CNTNAP2: variants seen among roughly 807,000 people sequenced by gnomAD.
The protein encoded by CNTNAP2 is contactin associated protein 2.
Under a neutral mutation model 155.2 loss-of-function variants are expected in CNTNAP2, and 98 were observed. That is an observed-to-expected ratio of 0.63 (90% confidence interval 0.54 to 0.75). The LOEUF (loss-of-function observed/expected upper bound fraction) is 0.75. Among genes scored for constraint, CNTNAP2 ranks in the 30% least tolerant of loss-of-function variants. CNTNAP2 has a pLI of 0.00. For synonymous variants in CNTNAP2, 651 were observed against 631.2 expected (o/e 1.03, Z -0.47); for missense variants, 1,727 against 1,688.1 (o/e 1.02, Z -0.40).
intron 15 of CNTNAP2, among the ~76,000 whole-genome samples, chr7:148,043,340 A>C (rs779596184): frequency 2.6e-5 from 4 of 152,220 alleles, no homozygotes; most frequent in African/African-American, 4.8e-5. Flanking sequence ...ATTGATTTTT[A>C]TAAGACTACC....
At chr7:148,328,893 T>C (rs1250005984) in intron 21 of CNTNAP2, among the ~76,000 whole-genome samples, 1 of 145,750 alleles carries the variant, frequency 6.9e-6, no homozygotes, top group Non-Finnish European at 1.5e-5. Context: ...GGAGAATTGC[T>C]TGAATCTGGG....
intron 1 of CNTNAP2, among the ~76,000 whole-genome samples, chr7:146,160,142 A>T (rs1336523838): frequency 2.6e-5 from 4 of 152,200 alleles, no homozygotes; most frequent in African/African-American, 4.8e-5. Flanking sequence ...ATTTGAAACC[A>T]ATGAGAACAA....
chr7:147,936,995 C>T (rs564746063), intron 14 of CNTNAP2, among the ~76,000 whole-genome samples: 3 of 152,022 alleles, frequency 2.0e-5, no homozygotes, highest in Non-Finnish European at 4.4e-5. Flanking sequence ...CAAGGTCAGC[C>T]TCAGTCTCTA....
chr7:147,650,860 T>C (rs1049963989), intron 13 of CNTNAP2, among the ~76,000 whole-genome samples: 3 of 152,166 alleles, frequency 2.0e-5, no homozygotes, highest in African/African-American at 7.2e-5. Context: ...TAAAATCATT[T>C]TGTATAAGAC....
intron 13 of CNTNAP2, among the ~76,000 whole-genome samples, chr7:147,848,929 A>G (rs1163099587): frequency 6.6e-6 from 1 of 152,134 alleles, no homozygotes; most frequent in East Asian, 1.9e-4. Context: ...TAGTGAGATC[A>G]GAGTCGGAAA....
chr7:146,711,331 A>G (rs965666719), intron 1 of CNTNAP2, among the ~76,000 whole-genome samples: 2 of 147,196 alleles, frequency 1.4e-5, no homozygotes, highest in East Asian at 3.9e-4. Context: ...TAATATATGT[A>G]CATATATGTA....
intron 1 of CNTNAP2, among the ~76,000 whole-genome samples, chr7:146,746,984 T>C (rs967269126): frequency 2.0e-5 from 3 of 152,148 alleles, no homozygotes; most frequent in Non-Finnish European, 4.4e-5. Context: ...ATTTATTGAA[T>C]CAAAGAGTAT....
chr7:146,693,302 A>C (rs1305238866), intron 1 of CNTNAP2, among the ~76,000 whole-genome samples: 2 of 152,108 alleles, frequency 1.3e-5, no homozygotes, highest in African/African-American at 2.4e-5. Flanking sequence ...TGCTGATGTT[A>C]TGAATTAGAT....
At chr7:146,120,680 TAG>T (rs1207202769) in intron 1 of CNTNAP2, among the ~76,000 whole-genome samples, 1 of 152,212 alleles carries the variant, frequency 6.6e-6, no homozygotes, top group Admixed American at 6.5e-5. Flanking sequence ...CTGTCATATA[TAG>T]GTGTGCCATT....
At chr7:148,216,253 G>T (rs1442034515) in intron 18 of CNTNAP2, among the ~76,000 whole-genome samples, 1 of 152,066 alleles carries the variant, frequency 6.6e-6, no homozygotes, top group Non-Finnish European at 1.5e-5. Context: ...TGCAGGAAGG[G>T]TTTCTTTCTT....
At chr7:146,425,427 G>T (rs1796073602) in intron 1 of CNTNAP2, among the ~76,000 whole-genome samples, 2 of 152,106 alleles carry the variant, frequency 1.3e-5, no homozygotes, top group South Asian at 4.1e-4. Flanking sequence ...CAAAGAATTG[G>T]CAAGCAGCCA....
At chr7:146,902,193 A>G (rs544459806) in intron 3 of CNTNAP2, among the ~76,000 whole-genome samples, 20 of 151,890 alleles carry the variant, frequency 1.3e-4, no homozygotes, top group Admixed American at 3.3e-4. Flanking sequence ...CATATGCTCC[A>G]TTTTTTACTT....
At chr7:147,115,942 G>T (rs1351679210) in intron 5 of CNTNAP2, among the ~76,000 whole-genome samples, 1 of 152,144 alleles carries the variant, frequency 6.6e-6, no homozygotes, top group Non-Finnish European at 1.5e-5. Flanking sequence ...CTCATCTTTG[G>T]TGTCTTATCT....
intron 14 of CNTNAP2, among the ~76,000 whole-genome samples, chr7:147,962,915 TG>T (rs1330982006): frequency 1.3e-5 from 2 of 152,166 alleles, no homozygotes; most frequent in African/African-American, 4.8e-5. Context: ...AAAATATGGA[TG>T]TCATAAATTA....
chr7:147,695,347 T>C (rs1352377850), intron 13 of CNTNAP2, among the ~76,000 whole-genome samples: 2 of 152,198 alleles, frequency 1.3e-5, no homozygotes, highest in Non-Finnish European at 2.9e-5. Context: ...GTGTCGACTG[T>C]ACCTAGATGA....
rs375875920 is a variant in CNTNAP2 at position 146,786,193 on chromosome 7, T to A, written c.208+11812T>A. Among the ~76,000 whole-genome samples the A allele has an allele frequency of 1.7e-3, 259 of 152,350 alleles. 5 individuals are homozygous for A. The South Asian group carries it at 0.05, about 29-fold the overall frequency. ...AAATGAGTGACTGTATTTTTCAATA[T>A]CTACTCTCCTGTGATTAAATTCCAT... On this transcript the variant is annotated intron_variant, in intron 2 of 23. Coordinates refer to ENST00000361727, the MANE Select transcript of CNTNAP2 (RefSeq NM_014141.6).
rs549184449 is a variant in CNTNAP2, at chr7:147,122,859, A to G, written c.939+1696A>G. The G allele has an allele frequency of 1.4e-4, 21 of 152,236 alleles. 2 individuals are homozygous for G. Among genetic ancestry groups the G allele is most frequent in the South Asian group, 4.1e-4 (2 of 4,826 alleles). 9.4% of individuals were successfully genotyped at this position (152,236 alleles called of 1,614,324 possible). On this transcript the variant is annotated intron_variant, in intron 6 of 23. Coordinates refer to ENST00000361727, the MANE Select transcript of CNTNAP2 (RefSeq NM_014141.6). Reference sequence around the variant, plus strand: ...AAATTGGAGATGTATTCATATATATATGTGTGTGTTATGTATATTTATGTA... The same window carrying G: ...AAATTGGAGATGTATTCATATATATGTGTGTGTGTTATGTATATTTATGTA...
intron 1 of CNTNAP2, among the ~76,000 whole-genome samples, chr7:146,432,334 A>G (rs1796184540): frequency 6.6e-6 from 1 of 152,134 alleles, no homozygotes; most frequent in Non-Finnish European, 1.5e-5. Flanking sequence ...CTGTTTTTAC[A>G]TACTATAAAG....
At chr7:146,692,197 G>T (rs2129171733) in intron 1 of CNTNAP2, among the ~76,000 whole-genome samples, 1 of 152,208 alleles carries the variant, frequency 6.6e-6, no homozygotes, top group South Asian at 2.1e-4. Flanking sequence ...ATGCTTTTCT[G>T]TTAGAGTTTA....
Sources: allele counts gnomAD v4.1 joint callset (sites outside exome capture counted in the v4.1 genomes callset), GRCh38; gene constraint gnomAD v4.1.1; transcripts MANE v1.5; gene names NCBI Gene and HGNC (gene_info 2026-07-23, HGNC 2026-07-21).